Variants in ATP6V0A2 observed in about 807,000 individuals in gnomAD.
The protein encoded by ATP6V0A2 is ATPase H+ transporting V0 subunit a2.
Under a neutral mutation model 104.4 loss-of-function variants are expected in ATP6V0A2, and 58 were observed. That is an observed-to-expected ratio of 0.56 (90% confidence interval 0.45 to 0.69). ATP6V0A2 has a LOEUF of 0.69. ATP6V0A2 is among the 30% of genes least tolerant of loss of function. The pLI is 0.00. For synonymous variants in ATP6V0A2, 376 were observed against 397.9 expected, an observed-to-expected ratio of 0.95 and a Z score of 0.65; for missense variants, 938 against 1,062.9, an observed-to-expected ratio of 0.88 and a Z score of 1.63.
chr12:123,715,452 C>A (rs1956330545), intron 1 of ATP6V0A2, among the ~76,000 whole-genome samples: 1 of 151,990 alleles, frequency 6.6e-6, no homozygotes, highest in Non-Finnish European at 1.5e-5. Context: ...AAAAAAAAGT[C>A]CCCAAAAAAT....
intron 18 of ATP6V0A2, chr12:123,754,765 C>G (rs1454914990): frequency 1.8e-6 from 1 of 552,296 alleles, no homozygotes; most frequent in Non-Finnish European, 3.2e-6. Context: ...GCTGGTCTGG[C>G]TTCAGAGCCT....
intron 3 of ATP6V0A2, among the ~76,000 whole-genome samples, chr12:123,722,936 A>G (rs1056800707): frequency 1.3e-5 from 2 of 152,018 alleles, no homozygotes; most frequent in African/African-American, 2.4e-5. Flanking sequence ...GGTGGGCAGC[A>G]AGCAGCGTTC....
At chr12:123,736,691 CAG>C (rs1312570068) in intron 8 of ATP6V0A2, among the ~76,000 whole-genome samples, 2 of 152,094 alleles carry the variant, frequency 1.3e-5, no homozygotes, top group East Asian at 1.9e-4. Flanking sequence ...ACAGGGTTGA[CAG>C]GGGTGAGGCC....
chr12:123,755,527 C>T (rs1189791542), intron 18 of ATP6V0A2, among the ~76,000 whole-genome samples: 2 of 140,268 alleles, frequency 1.4e-5, no homozygotes, highest in East Asian at 4.1e-4. Flanking sequence ...CAGACCGAGA[C>T]TCTGTCTCAA....
chr12:123,760,242 A>G lies in ATP6V0A2; in HGVS notation c.*2210A>G, dbSNP rs1159790045. The G allele has an allele frequency of 6.6e-6, 1 of 152,228 alleles. No individual in the cohort carries two copies. Among genetic ancestry groups the G allele is most frequent in the Non-Finnish European group, 1.5e-5 (1 of 68,044 alleles). The allele number at this position is 152,228 out of a possible 1,614,324, so 9.4% of individuals were successfully genotyped here. ...TTTCTAATTAACACCTCTTCTCAGC[A>G]TAGAGCAGAGGATGCAGTCATTTCT... On this transcript the variant is annotated 3_prime_UTR_variant, in exon 20 of 20. Transcript: ENST00000330342.
intron 13 of ATP6V0A2, among the ~76,000 whole-genome samples, chr12:123,745,195 C>T (rs1222633357): frequency 6.6e-6 from 1 of 152,212 alleles, no homozygotes; most frequent in East Asian, 1.9e-4. Flanking sequence ...CTCAGAGAGC[C>T]AGGGCTGTGT....
intron 3 of ATP6V0A2, chr12:123,723,711 G>A (rs1409132041): frequency 6.6e-6 from 1 of 152,028 alleles, no homozygotes; most frequent in Non-Finnish European, 1.5e-5. Context: ...CACCCACCTT[G>A]GCTTCCCAAA....
Position 123,737,349 on chromosome 12 carries a change from G to T in ATP6V0A2, c.1038+78G>T, listed in dbSNP as rs541006036. 4.2e-6 allele frequency: 6 copies of T among 1,414,484 alleles called. No individual in the cohort carries two copies. The East Asian group carries it at 1.4e-4, about 33-fold the overall frequency. 87.6% of individuals were successfully genotyped at this position (1,414,484 alleles called of 1,614,324 possible). A position where few individuals can be genotyped will look rare whatever the true frequency, so the allele number is the denominator to read the frequency against. On this transcript the variant is annotated intron_variant, in intron 9 of 19. Coordinates refer to ENST00000330342, the MANE Select transcript of ATP6V0A2 (RefSeq NM_012463.4). Reference sequence around the variant, plus strand: ...TGATAAATTCAGAGAAAAAAAGGAAGTGAGAATTTCATAGAGTAATGAGAA... The same window carrying T: ...TGATAAATTCAGAGAAAAAAAGGAATTGAGAATTTCATAGAGTAATGAGAA...
At chr12:123,740,724 C>T (rs1413051181) in intron 9 of ATP6V0A2, among the ~76,000 whole-genome samples, 1 of 152,112 alleles carries the variant, frequency 6.6e-6, no homozygotes, top group African/African-American at 2.4e-5. Context: ...CCTTTGAATC[C>T]TTTTTGTCTT....
chr12:123,725,080 C>T (rs1238858892), intron 4 of ATP6V0A2, among the ~76,000 whole-genome samples: 4 of 151,984 alleles, frequency 2.6e-5, no homozygotes, highest in Admixed American at 1.3e-4. Context: ...GGATTACAGG[C>T]GCCCGCCACC....
In ATP6V0A2 at chr12:123,729,322, G is replaced by GTTTTTTGTTTTTTT. The variant is rs746570781; in HGVS notation, c.648+1419_648+1420insGTTTTTTTTTTTTT. ...AATCAACTGTTTCTTCAAGGAGGCT[G>GTTTTTTGTTTTTTT]TTTTTTTTTTTGAGTGCAAATCTTG... On this transcript the variant is annotated intron_variant, in intron 6 of 19. Transcript: ENST00000330342. Among the ~76,000 whole-genome samples the GTTTTTTGTTTTTTT allele has an allele frequency of 5.3e-5, 6 of 113,890 alleles. 1 individual carries two copies. Among genetic ancestry groups the GTTTTTTGTTTTTTT allele is most frequent in the Non-Finnish European group, 6.9e-5 (4 of 58,164 alleles). 74.7% of individuals were successfully genotyped at this position (113,890 alleles called of 152,430 possible). A position where few individuals can be genotyped will look rare whatever the true frequency, so the allele number is the denominator to read the frequency against.
At chr12:123,713,900 A>G (rs1309160983) in intron 1 of ATP6V0A2, among the ~76,000 whole-genome samples, 4 of 152,156 alleles carry the variant, frequency 2.6e-5, no homozygotes, top group Non-Finnish European at 5.9e-5. Context: ...ATACCAGATC[A>G]GCCCCATAAG....
intron 1 of ATP6V0A2, among the ~76,000 whole-genome samples, chr12:123,716,248 G>A (rs1252101063): frequency 6.6e-6 from 1 of 151,938 alleles, no homozygotes; most frequent in East Asian, 1.9e-4. Flanking sequence ...TGTATTTTTA[G>A]TAGAGACGGG....
intron 9 of ATP6V0A2, among the ~76,000 whole-genome samples, chr12:123,742,399 C>T (rs1336747186): frequency 6.6e-6 from 1 of 152,070 alleles, no homozygotes; most frequent in African/African-American, 2.4e-5. Flanking sequence ...ACTGTGGGGA[C>T]GTGGTTTGGC....
Position 123,712,432 on chromosome 12 carries a change from G to A in ATP6V0A2, c.-134G>A, listed in dbSNP as rs1593877728. On this transcript the variant is annotated 5_prime_UTR_variant, in exon 1 of 20. Transcript: ENST00000330342. ...CCGGGGGCGGCCGCTGCAGTCTGGA[G>A]CCCCATAGTGCGGGGCCGCGGCCAG... 2 of 487,806 alleles carry A rather than the reference G, an allele frequency of 4.1e-6. No individual in the cohort carries two copies. The highest frequency in any genetic ancestry group is 6.8e-6 in the Non-Finnish European group (2 of 293,920). 30.2% of individuals were successfully genotyped at this position (487,806 alleles called of 1,614,324 possible).
Position 123,735,618 on chromosome 12 carries a change from C to G in ATP6V0A2, c.819C>G (p.Leu273=), listed in dbSNP as rs760832828. The change falls in exon 8 of 20, where the codon CTC becomes CTG. Residue 273 remains leucine, a synonymous_variant. Transcript: ENST00000330342. The part of the protein sequence containing the change: ...QEGLNTRIQD[L]YTVLHKTEDY... ...GGCTGAACACCCGCATCCAGGATCT[C>G]TACACTGTGAGTAAGCTGGAAGTGG... The G allele has an allele frequency of 1.1e-5, 18 of 1,613,092 alleles. No individual in the cohort carries two copies. Among genetic ancestry groups the G allele is most frequent in the Admixed American group, 1.0e-4 (6 of 59,996 alleles).
intron 5 of ATP6V0A2, among the ~76,000 whole-genome samples, chr12:123,726,532 C>T (rs1956450507): frequency 1.3e-5 from 2 of 152,184 alleles, no homozygotes; most frequent in African/African-American, 4.8e-5. Context: ...ACAACATTTA[C>T]GTGATTCAGT....
chr12:123,718,497 G>C, intron 1 of ATP6V0A2, 126 bp from the exon 2 acceptor site: 1 of 674,610 alleles, frequency 1.5e-6, no homozygotes, highest in East Asian at 2.8e-5. Context: ...AGTTGTGTCA[G>C]TTTATAGTTT....
At chr12:123,739,356 A>C (rs1019875840) in intron 9 of ATP6V0A2, among the ~76,000 whole-genome samples, 1 of 152,144 alleles carries the variant, frequency 6.6e-6, no homozygotes, top group Admixed American at 6.5e-5. Flanking sequence ...TTTCTCCATA[A>C]GTAGGTGACT....
Sources: allele counts gnomAD v4.1 joint callset (sites outside exome capture counted in the v4.1 genomes callset), GRCh38; gene constraint gnomAD v4.1.1; transcripts MANE v1.5; gene names NCBI Gene and HGNC (gene_info 2026-07-23, HGNC 2026-07-21).